VPS8: variants seen among roughly 807,000 people sequenced by gnomAD.
VPS8 encodes vacuolar protein sorting-associated protein 8 homolog.
In VPS8, 129 loss-of-function variants were observed where a neutral mutation model predicts 216.4. That is an observed-to-expected ratio of 0.60 (90% CI 0.52 to 0.69). The LOEUF (loss-of-function observed/expected upper bound fraction) is 0.69, where lower values mean the gene tolerates loss of function less well. VPS8 is among the 30% of genes least tolerant of loss of function. The pLI, the probability that VPS8 is intolerant of heterozygous loss-of-function variation, is 0.00. For missense variants in VPS8, 1,531 were observed against 1,683.5 expected (o/e 0.91, Z 1.59); for synonymous variants, 571 against 565.4 (o/e 1.01, Z -0.14).
At chr3:185,031,966 C>T (rs1364733987) in intron 46 of VPS8, among the ~76,000 whole-genome samples, 1 of 152,088 alleles carries the variant, frequency 6.6e-6, no homozygotes, top group Non-Finnish European at 1.5e-5. Flanking sequence ...GAGTTCGAGA[C>T]CAGCCTGACC....
At chr3:184,979,117 T>C (rs1749776540) in intron 40 of VPS8, among the ~76,000 whole-genome samples, 1 of 152,188 alleles carries the variant, frequency 6.6e-6, no homozygotes, top group Non-Finnish European at 1.5e-5. Flanking sequence ...TTTTGAGAGA[T>C]CTTCTTAGTA....
At position 184,863,677 on chromosome 3, in the gene VPS8, A is replaced by G. The variant is rs182751848; in HGVS notation, c.1395+610A>G. 7.9e-5 allele frequency among the ~76,000 whole-genome samples: 12 copies of G among 152,366 alleles called. No individual in the cohort carries two copies. The South Asian group carries it at 1.4e-3, about 18-fold the overall frequency. On this transcript the variant is annotated intron_variant, in intron 16 of 47. Coordinates refer to ENST00000625842, the MANE Select transcript of VPS8 (RefSeq NM_001009921.3). ...GCAACTACAGTAATGGCCTTAAGCA[A>G]TTTCCACAGATAGTTTATAGTTCAG...
chr3:185,046,643 C>T (rs62289505), intron 46 of VPS8, among the ~76,000 whole-genome samples: 34,722 of 152,080 alleles, frequency 0.23, 5,260 homozygotes, highest in East Asian at 0.53. Context: ...ACAACACAAT[C>T]GCAGTAATTA....
At chr3:184,968,813 C>T (rs565694958) in intron 39 of VPS8, among the ~76,000 whole-genome samples, 7 of 152,306 alleles carry the variant, frequency 4.6e-5, no homozygotes, top group Admixed American at 1.3e-4. Flanking sequence ...CTTTAACACA[C>T]GTTTCTTAGA....
intron 44 of VPS8, among the ~76,000 whole-genome samples, chr3:184,998,741 T>C (rs1230677415): frequency 6.6e-6 from 1 of 152,106 alleles, no homozygotes; most frequent in African/African-American, 2.4e-5. Context: ...GGAATTTCTT[T>C]ATAAGAATAG....
chr3:184,936,236 T>C lies in VPS8; in HGVS notation c.2899-10T>C. The C allele has an allele frequency of 6.3e-7, 1 of 1,598,484 alleles. No homozygotes were observed. The highest frequency in any genetic ancestry group is 8.5e-7 in the Non-Finnish European group (1 of 1,171,972). Reference sequence around the variant, plus strand: ...ATTAGAGATGGCTTTGTCTTTTCCTTTAACTCCAGGAACTCGTGTCCCTGA... The same window carrying C: ...ATTAGAGATGGCTTTGTCTTTTCCTCTAACTCCAGGAACTCGTGTCCCTGA... On this transcript the variant is annotated splice_polypyrimidine_tract_variant and intron_variant, in intron 34 of 47. Coordinates refer to ENST00000625842, the MANE Select transcript of VPS8 (RefSeq NM_001009921.3).
intron 15 of VPS8, 82 bp from the exon 16 acceptor site, chr3:184,862,815 C>A: frequency 7.1e-7 from 1 of 1,414,114 alleles, no homozygotes; most frequent in African/African-American, 1.4e-5. Context: ...GTAATTTAAT[C>A]GAGCAGCCAA....
intron 36 of VPS8, among the ~76,000 whole-genome samples, chr3:184,943,219 G>T (rs1371403059): frequency 6.6e-6 from 1 of 152,062 alleles, no homozygotes; most frequent in East Asian, 1.9e-4. Context: ...TGTATTGTAT[G>T]GCCCCTTTTA....
intron 39 of VPS8, among the ~76,000 whole-genome samples, chr3:184,967,158 G>A (rs1747557827): frequency 2.0e-5 from 3 of 152,102 alleles, no homozygotes; most frequent in Middle Eastern, 3.4e-3. Flanking sequence ...TAGAGATGGG[G>A]TTTCACCTGT....
At chr3:184,902,335 G>A (rs543501290) in intron 25 of VPS8, among the ~76,000 whole-genome samples, 28 of 151,586 alleles carry the variant, frequency 1.8e-4, no homozygotes, top group Non-Finnish European at 3.5e-4. Flanking sequence ...AATTAGCCGG[G>A]TGTGGTGGTG....
At chr3:184,823,009 A>T (rs1717940134) in intron 1 of VPS8, among the ~76,000 whole-genome samples, 1 of 152,202 alleles carries the variant, frequency 6.6e-6, no homozygotes, top group Non-Finnish European at 1.5e-5. Flanking sequence ...ATAGCTAGAA[A>T]AGTTGGTTTC....
intron 42 of VPS8, among the ~76,000 whole-genome samples, chr3:184,984,194 A>AAAAAAAAAAAAAAAAAACTCACCAAG: frequency 0.14 from 6,661 of 46,242 alleles, 2,944 homozygotes; most frequent in Non-Finnish European, 0.17. Flanking sequence ...AAAAAAAAAA[A>AAAAAAAAAAAAAAAAAACTCACCAAG]CTCTACTTCC....
intron 38 of VPS8, 64 bp from the exon 39 acceptor site, chr3:184,966,607 A>T: frequency 8.8e-7 from 1 of 1,133,456 alleles, no homozygotes; most frequent in Non-Finnish European, 1.3e-6. Flanking sequence ...TGTTAATTCA[A>T]GTATTGGGTG....
At chr3:184,813,249 G>A (rs1715553777) in intron 1 of VPS8, among the ~76,000 whole-genome samples, 1 of 152,034 alleles carries the variant, frequency 6.6e-6, no homozygotes, top group African/African-American at 2.4e-5. Context: ...AAGGCTTCTG[G>A]CCTCTGCACC....
At chr3:185,049,282 C>T (rs1561276557) in intron 47 of VPS8, among the ~76,000 whole-genome samples, 1 of 152,164 alleles carries the variant, frequency 6.6e-6, no homozygotes, top group East Asian at 1.9e-4. Context: ...CACATCAGAC[C>T]GGGTGTCCCC....
At chr3:185,034,660 CTTTTGT>C (rs1179947522) in intron 46 of VPS8, among the ~76,000 whole-genome samples, 3 of 151,400 alleles carry the variant, frequency 2.0e-5, no homozygotes, top group Non-Finnish European at 1.5e-5. Context: ...TGTATTGTTG[CTTTTGT>C]TTTTGTTTTT....
intron 5 of VPS8, chr3:184,836,247 G>A (rs1721065037): frequency 2.2e-6 from 1 of 456,452 alleles, no homozygotes; most frequent in East Asian, 7.0e-5. Flanking sequence ...CCTCTTTTAG[G>A]TGGAGAGTAA....
At chr3:185,033,137 T>A (rs1395123306) in intron 46 of VPS8, among the ~76,000 whole-genome samples, 2 of 152,224 alleles carry the variant, frequency 1.3e-5, no homozygotes, top group African/African-American at 4.8e-5. Flanking sequence ...ATTAATACAT[T>A]ATTAACTAAA....
intron 36 of VPS8, among the ~76,000 whole-genome samples, chr3:184,948,710 G>A (rs1052936758): frequency 6.6e-6 from 1 of 152,168 alleles, no homozygotes; most frequent in Non-Finnish European, 1.5e-5. Context: ...TTACTGCAAG[G>A]CTGGGAACCA....
Sources: allele counts gnomAD v4.1 joint callset (sites outside exome capture counted in the v4.1 genomes callset), GRCh38; gene constraint gnomAD v4.1.1; transcripts MANE v1.5; gene names NCBI Gene and HGNC (gene_info 2026-07-23, HGNC 2026-07-21).